The following NTRK2 variants were observed in gnomAD, a reference collection of about 807,000 sequenced individuals.
NTRK2 encodes the protein BDNF/NT-3 growth factors receptor.
In NTRK2, 13 loss-of-function variants were observed where a neutral mutation model predicts 94.5. That is an observed-to-expected ratio of 0.14 (90% CI 0.09 to 0.22). The LOEUF is 0.22. Among genes scored for constraint, NTRK2 ranks in the 10% least tolerant of loss-of-function variants. The probability of loss-of-function intolerance (pLI) is 1.00; values close to 1 mark genes in which losing one functional copy is unlikely to be tolerated. For missense variants in NTRK2, 639 were observed against 1,071.2 expected, an observed-to-expected ratio of 0.60 and a Z score of 5.63; for synonymous variants, 372 against 407.4, an observed-to-expected ratio of 0.91 and a Z score of 1.05.
chr9:84,855,871 C>A (rs2075039985), intron 12 of NTRK2, among the ~76,000 whole-genome samples: 1 of 152,098 alleles, frequency 6.6e-6, no homozygotes, highest in South Asian at 2.1e-4. Flanking sequence ...TTAATTCTGG[C>A]CAGGTAGAAG....
At chr9:84,825,762 A>G (rs530409297) in intron 12 of NTRK2, among the ~76,000 whole-genome samples, 2 of 152,330 alleles carry the variant, frequency 1.3e-5, no homozygotes, top group East Asian at 1.9e-4. Context: ...TAATTGTGCC[A>G]TAGTGTTCAT....
At chr9:84,830,342 A>G (rs534681313) in intron 12 of NTRK2, among the ~76,000 whole-genome samples, 2 of 152,274 alleles carry the variant, frequency 1.3e-5, no homozygotes, top group East Asian at 1.9e-4. Context: ...GCAGGGCTTT[A>G]TTGATCCTTT....
At chr9:84,692,468 C>CTTTTTTTTTTTTTTT (rs71369138) in intron 2 of NTRK2, among the ~76,000 whole-genome samples, 13 of 87,672 alleles carry the variant, frequency 1.5e-4, no homozygotes, top group Non-Finnish European at 2.1e-4. Context: ...TTCTTTTTTT[C>CTTTTTTTTTTTTTTT]TTTTTTTTTT....
At chr9:84,822,729 T>C (rs186072149) in intron 12 of NTRK2, among the ~76,000 whole-genome samples, 10 of 152,258 alleles carry the variant, frequency 6.6e-5, no homozygotes, top group Admixed American at 5.9e-4. Flanking sequence ...GACTTCCTTG[T>C]CTCCCAGGAG....
intron 4 of NTRK2, among the ~76,000 whole-genome samples, chr9:84,706,485 C>CACT (rs1481442093): frequency 8.7e-5 from 13 of 149,128 alleles, no homozygotes; most frequent in Non-Finnish European, 1.6e-4. Flanking sequence ...GGGCCAGGAT[C>CACT]ACTGTCACCC....
chr9:84,722,476 CG>C (rs2062143961), intron 6 of NTRK2, among the ~76,000 whole-genome samples: 1 of 152,120 alleles, frequency 6.6e-6, no homozygotes, highest in South Asian at 2.1e-4. Context: ...TGCAATTTAA[CG>C]GCTGTTGAAA....
Position 85,020,360 on chromosome 9 carries a change from A to G in NTRK2, c.2327A>G (p.Asn776Ser), listed in dbSNP as rs148990783. The G allele has an allele frequency of 6.2e-7, 1 of 1,614,072 alleles. No individual in the cohort carries two copies. The highest frequency in any genetic ancestry group is 8.5e-7 in the Non-Finnish European group (1 of 1,179,984). ...CAGCCCTGGTACCAGCTGTCAAACA[A>G]TGAGGTGTGCAATGGGTCTGGCCAA... The part of the protein sequence containing the change: ...GKQPWYQLSN[N>S]EVIECITQGR... Residue 776 changes from asparagine (N) to serine (S), a missense_variant, in exon 18 of 19, where the codon AAT (asparagine) becomes AGT (serine). Transcript: ENST00000277120.
At chr9:84,745,239 G>T (rs1588316022) in intron 11 of NTRK2, among the ~76,000 whole-genome samples, 166 bp downstream of exon 11, 1 of 152,052 alleles carries the variant, frequency 6.6e-6, no homozygotes, top group Admixed American at 6.6e-5. Flanking sequence ...AGTGATAAAG[G>T]TGTTATATGG....
At position 84,807,009 on chromosome 9, in the gene NTRK2, A is replaced by G. The variant is rs932925054; in HGVS notation, c.1397-54031A>G. 8.1e-4 allele frequency among the ~76,000 whole-genome samples: 124 copies of G among 152,230 alleles called. 3 individuals are homozygous for G. The highest frequency in any genetic ancestry group is 1.8e-4 in the Non-Finnish European group (12 of 68,036). ...TGGCACCATGCCACGCAGATGCTCA[A>G]GTTGGCAGTTTTCTGCTTGAACTCT... On this transcript the variant is annotated intron_variant, in intron 12 of 18. Coordinates refer to ENST00000277120, the MANE Select transcript of NTRK2 (RefSeq NM_006180.6).
At chr9:84,879,762 A>C (rs2076199041) in intron 14 of NTRK2, among the ~76,000 whole-genome samples, 1 of 152,128 alleles carries the variant, frequency 6.6e-6, no homozygotes, top group Non-Finnish European at 1.5e-5. Flanking sequence ...ACTCAGCAAG[A>C]GGAATTGTAG....
chr9:84,780,852 G>A (rs916076546), intron 12 of NTRK2, among the ~76,000 whole-genome samples: 4 of 152,174 alleles, frequency 2.6e-5, no homozygotes, highest in African/African-American at 9.7e-5. Context: ...AGAAAGCTAT[G>A]AGCTATGAAG....
chr9:84,966,355 G>A (rs992118745), intron 17 of NTRK2, among the ~76,000 whole-genome samples: 2 of 152,132 alleles, frequency 1.3e-5, no homozygotes, highest in Non-Finnish European at 2.9e-5. Context: ...AAAGCGATGA[G>A]ATTTGGGAAT....
chr9:84,976,296 A>G (rs912373100), intron 17 of NTRK2, among the ~76,000 whole-genome samples: 1 of 152,188 alleles, frequency 6.6e-6, no homozygotes, highest in Non-Finnish European at 1.5e-5. Flanking sequence ...TGTGTGGCAG[A>G]GAGAGCTCTG....
At chr9:84,735,027 T>G (rs2063154450) in intron 9 of NTRK2, among the ~76,000 whole-genome samples, 1 of 152,102 alleles carries the variant, frequency 6.6e-6, no homozygotes, top group Admixed American at 6.6e-5. Flanking sequence ...TTTCTTCTTT[T>G]TTGTAGCTAT....
intron 11 of NTRK2, among the ~76,000 whole-genome samples, chr9:84,750,896 A>G (rs1467248955): frequency 6.6e-6 from 1 of 152,222 alleles, no homozygotes; most frequent in Non-Finnish European, 1.5e-5. Context: ...ATGGTAGCAG[A>G]GTGATCGCAT....
intron 2 of NTRK2, among the ~76,000 whole-genome samples, chr9:84,698,823 A>C (rs1242952422): frequency 6.6e-6 from 1 of 152,116 alleles, no homozygotes; most frequent in Non-Finnish European, 1.5e-5. Context: ...TGGCCACCGA[A>C]GTTTTCCCTC....
intron 14 of NTRK2, among the ~76,000 whole-genome samples, chr9:84,870,329 G>GTATATATATATATATATA (rs1249656013): frequency 4.9e-5 from 1 of 20,554 alleles, no homozygotes; most frequent in Non-Finnish European, 1.3e-4. Context: ...GGGTGTGTGT[G>GTATATATATATATATATA]TGTATATATA....
chr9:84,968,937 CT>C (rs1825871995), intron 17 of NTRK2, among the ~76,000 whole-genome samples: 1 of 152,154 alleles, frequency 6.6e-6, no homozygotes, highest in Non-Finnish European at 1.5e-5. Flanking sequence ...TGAATGCTGT[CT>C]TGGGTCTTTT....
At chr9:84,777,994 G>C (rs2067218082) in intron 12 of NTRK2, among the ~76,000 whole-genome samples, 1 of 152,186 alleles carries the variant, frequency 6.6e-6, no homozygotes, top group South Asian at 2.1e-4. Flanking sequence ...TGGTGCAGTG[G>C]CTCACGCCTG....
Sources: allele counts gnomAD v4.1 joint callset (sites outside exome capture counted in the v4.1 genomes callset), GRCh38; gene constraint gnomAD v4.1.1; transcripts MANE v1.5; gene names NCBI Gene and HGNC (gene_info 2026-07-23, HGNC 2026-07-21).